Variants in CBLB observed in about 807,000 individuals in gnomAD.
CBLB encodes Cbl proto-oncogene B, also known as E3 ubiquitin-protein ligase CBL-B.
CBLB carries 31 observed loss-of-function variants against 104.9 expected under a neutral mutation model. The ratio of observed to expected loss-of-function variants is 0.30; its 90% CI spans 0.22 to 0.40. The LOEUF (loss-of-function observed/expected upper bound fraction) is 0.40. Ranked by LOEUF, CBLB falls within the 10% of genes least tolerant of loss-of-function variation. The pLI, the probability that CBLB is intolerant of heterozygous loss-of-function variation, is 1.00. For missense variants in CBLB, 1,062 were observed against 1,214.6 expected (o/e 0.87, Z 1.87); for synonymous variants, 440 against 422.6 (o/e 1.04, Z -0.51).
intron 3 of CBLB, among the ~76,000 whole-genome samples, chr3:105,795,007 G>A (rs1447638212): frequency 6.6e-6 from 1 of 151,004 alleles, no homozygotes; most frequent in Non-Finnish European, 1.5e-5. Flanking sequence ...TCTGTCTCCC[G>A]GGTTCAAGAG....
At chr3:105,859,079 T>C (rs1441275835) in intron 2 of CBLB, among the ~76,000 whole-genome samples, 1 of 152,204 alleles carries the variant, frequency 6.6e-6, no homozygotes, top group African/African-American at 2.4e-5. Context: ...AATCTTGCAT[T>C]TAAAGAGTTT....
At position 105,658,236 on chromosome 3, in the gene CBLB, A is replaced by G. The variant is rs1025923949; in HGVS notation, c.*734T>C. ...GAGAATATGGAGGATTAAAGGTTAC[A>G]AAACTTAAACAAAAAAGGGAAGCTC... is the stretch of plus-strand genomic sequence containing the variant. On this transcript the variant is annotated 3_prime_UTR_variant, in exon 19 of 19. Coordinates refer to ENST00000394030, the MANE Select transcript of CBLB (RefSeq NM_170662.5). 9 of 217,508 alleles carry G rather than the reference A, an allele frequency of 4.1e-5. No homozygotes were observed. Among genetic ancestry groups the G allele is most frequent in the Middle Eastern group, 1.4e-3 (1 of 698 alleles). The allele number at this position is 217,508 out of a possible 1,614,324, so 13.5% of individuals were successfully genotyped here. A position where few individuals can be genotyped will look rare whatever the true frequency, so the allele number is the denominator to read the frequency against.
intron 3 of CBLB, among the ~76,000 whole-genome samples, chr3:105,778,747 C>A (rs1045409182): frequency 1.3e-5 from 2 of 152,036 alleles, no homozygotes; most frequent in African/African-American, 4.8e-5. Context: ...ACAACTCATC[C>A]TAATCCAAGT....
rs946843981 is a variant in CBLB at position 105,815,943 on chromosome 3, G to A, written c.419+37471C>T. On this transcript the variant is annotated intron_variant, in intron 3 of 18. Transcript: ENST00000394030. The stretch of plus-strand genomic sequence containing the variant: ...CATCATTCTCAGCAAACTAACACAG[G>A]AAGAGAAAAGCAAAAAACCAAATAC... 1.4e-4 allele frequency among the ~76,000 whole-genome samples: 22 copies of A among 152,256 alleles called. No homozygotes were observed. In the East Asian group the frequency reaches 4.3e-3, roughly 29 times the overall value.
chr3:105,670,163 A>C, intron 18 of CBLB, 70 bp downstream of exon 18: 1 of 1,229,464 alleles, frequency 8.1e-7, no homozygotes, highest in Non-Finnish European at 1.2e-6. Flanking sequence ...ATGAATAAGA[A>C]GGTGTTCTGA....
At chr3:105,666,642 C>T (rs529342346) in intron 18 of CBLB, among the ~76,000 whole-genome samples, 2 of 151,964 alleles carry the variant, frequency 1.3e-5, no homozygotes, top group South Asian at 2.1e-4. Flanking sequence ...GCTGAGATCA[C>T]GCCACTGCAC....
chr3:105,765,695 G>A (rs1475403766), intron 4 of CBLB, among the ~76,000 whole-genome samples: 1 of 152,118 alleles, frequency 6.6e-6, no homozygotes, highest in East Asian at 1.9e-4. Flanking sequence ...CTGGATTACT[G>A]AATATTTTAA....
At chr3:105,728,237 C>T (rs1410081156) in intron 9 of CBLB, among the ~76,000 whole-genome samples, 2 of 152,124 alleles carry the variant, frequency 1.3e-5, no homozygotes, top group Non-Finnish European at 2.9e-5. Context: ...CCAAAATCTC[C>T]TAAAGCTGAT....
upstream of CBLB, chr3:105,869,314 A>C: frequency 8.4e-7 from 1 of 1,186,634 alleles, no homozygotes; most frequent in Non-Finnish European, 1.1e-6. Context: ...GGACGAAGGG[A>C]TGCAAGGCAC....
chr3:105,843,075 T>C (rs568973084), intron 3 of CBLB, among the ~76,000 whole-genome samples: 1 of 152,330 alleles, frequency 6.6e-6, no homozygotes, highest in Admixed American at 6.5e-5. Context: ...ATTTACAGAC[T>C]GTCTATGTCT....
chr3:105,749,745 T>C (rs545468417), intron 5 of CBLB: 2 of 325,300 alleles, frequency 6.1e-6, no homozygotes, highest in South Asian at 2.5e-5. Flanking sequence ...AAATAAGATA[T>C]TCTGTAAAAT....
In CBLB at chr3:105,700,475, G is replaced by GA. The variant is rs72415879; in HGVS notation, c.1959+1618dup. 3.4e-3 allele frequency among the ~76,000 whole-genome samples: 492 copies of GA among 144,624 alleles called. 2 individuals are homozygous for GA. Among genetic ancestry groups the GA allele is most frequent in the African/African-American group, 8.8e-3 (351 of 39,782 alleles). 94.9% of individuals were successfully genotyped at this position (144,624 alleles called of 152,430 possible). A position where few individuals can be genotyped will look rare whatever the true frequency, so the allele number is the denominator to read the frequency against. ...TGAATAAAAAGTAAAGCTAAAGGGGGAAAAAAAAAAACCTGAAAATTTTTG... is the reference window on the plus strand; with the variant it reads ...TGAATAAAAAGTAAAGCTAAAGGGGGAAAAAAAAAAAACCTGAAAATTTTTG... On this transcript the variant is annotated intron_variant, in intron 12 of 18. Transcript: ENST00000394030.
At chr3:105,729,158 A>G (rs1173714579) in intron 9 of CBLB, among the ~76,000 whole-genome samples, 2 of 152,124 alleles carry the variant, frequency 1.3e-5, no homozygotes, top group East Asian at 1.9e-4. Context: ...AACGTAGTAG[A>G]AAGTAAGAAA....
chr3:105,714,423 C>T (rs750462414), intron 10 of CBLB, among the ~76,000 whole-genome samples: 2 of 152,034 alleles, frequency 1.3e-5, no homozygotes, highest in Non-Finnish European at 2.9e-5. Flanking sequence ...TCAGTGGGAG[C>T]CCTGAGCTTA....
chr3:105,829,593 T>C (rs1163874703), intron 3 of CBLB, among the ~76,000 whole-genome samples: 1 of 128,656 alleles, frequency 7.8e-6, no homozygotes, highest in Non-Finnish European at 1.6e-5. Flanking sequence ...TGGCTCAACC[T>C]AGTAAGTACA....
In CBLB at chr3:105,657,110, T is replaced by C; in HGVS notation, c.*1860A>G. On this transcript the variant is annotated 3_prime_UTR_variant, in exon 19 of 19. Coordinates refer to ENST00000394030, the MANE Select transcript of CBLB (RefSeq NM_170662.5). ...GCAGAAATTACCCAAGGCCTGTGAG[T>C]CCTCATCTCATACCATGAAAGCCAG... 1 of 226,206 alleles carries C rather than the reference T, an allele frequency of 4.4e-6. No individual in the cohort carries two copies. 14.0% of individuals were successfully genotyped at this position (226,206 alleles called of 1,614,324 possible). A position where few individuals can be genotyped will look rare whatever the true frequency, so the allele number is the denominator to read the frequency against.
intron 3 of CBLB, among the ~76,000 whole-genome samples, chr3:105,801,885 T>C (rs910882629): frequency 6.6e-6 from 1 of 152,214 alleles, no homozygotes; most frequent in Non-Finnish European, 1.5e-5. Context: ...AGCTGTAACC[T>C]TGGAAAAATC....
At chr3:105,700,838 A>G (rs2068994076) in intron 12 of CBLB, among the ~76,000 whole-genome samples, 1 of 152,210 alleles carries the variant, frequency 6.6e-6, no homozygotes, top group Non-Finnish European at 1.5e-5. Context: ...CAAAGTGTTC[A>G]TTATCACTGT....
At chr3:105,786,063 G>GGGGC (rs912651777) in intron 3 of CBLB, among the ~76,000 whole-genome samples, 26 of 134,014 alleles carry the variant, frequency 1.9e-4, no homozygotes, top group East Asian at 1.0e-3. Flanking sequence ...GAGAGGATCG[G>GGGGC]GGGGGGGAAA....
Sources: gnomAD v4.1 joint callset for allele counts (sites outside exome capture counted in the v4.1 genomes callset) on GRCh38, gnomAD v4.1.1 for gene constraint, MANE v1.5 for transcripts, NCBI Gene and HGNC (gene_info 2026-07-23, HGNC 2026-07-21) for gene names.